The following PAK1 variants were observed in gnomAD, a reference collection of about 807,000 sequenced individuals.
The protein encoded by PAK1 is p21 (RAC1) activated kinase 1, also known as serine/threonine-protein kinase PAK 1.
A neutral mutation model predicts 67.4 loss-of-function variants in PAK1; 29 were observed. That is an observed-to-expected ratio of 0.43 (90% CI 0.32 to 0.59). The LOEUF is 0.59. PAK1 is among the 20% of genes least tolerant of loss of function. The pLI is 0.07. For synonymous variants in PAK1, 223 were observed against 237.4 expected (o/e 0.94, Z 0.56); for missense variants, 337 against 670.7 (o/e 0.50, Z 5.50).
chr11:77,353,509 C>A (rs1291513247), intron 8 of PAK1, 27 bp downstream of exon 8: 1 of 1,539,258 alleles, frequency 6.5e-7, no homozygotes, highest in Non-Finnish European at 9.0e-7. Context: ...AGTCATTTCT[C>A]CAGGGAAAGA....
chr11:77,393,471 A>T (rs531893680), intron 1 of PAK1, among the ~76,000 whole-genome samples: 27 of 151,966 alleles, frequency 1.8e-4, no homozygotes, highest in Non-Finnish European at 2.8e-4. Flanking sequence ...ATTAAAAAAA[A>T]TTTTTTTGGA....
chr11:77,339,658 T>C (rs979298354), intron 11 of PAK1, among the ~76,000 whole-genome samples: 1 of 152,118 alleles, frequency 6.6e-6, no homozygotes, highest in African/African-American at 2.4e-5. Context: ...TGATTAAATA[T>C]ATAACTACAT....
intron 4 of PAK1, among the ~76,000 whole-genome samples, chr11:77,376,578 A>G (rs1027506168): frequency 1.3e-5 from 2 of 151,704 alleles, no homozygotes; most frequent in African/African-American, 4.8e-5. Flanking sequence ...CTCTACTACA[A>G]ATACAAAAAT....
At chr11:77,452,461 TTGAA>T (rs1321049430) in intron 1 of PAK1, among the ~76,000 whole-genome samples, 2 of 152,172 alleles carry the variant, frequency 1.3e-5, no homozygotes, top group Non-Finnish European at 2.9e-5. Context: ...TTATATAATA[TTGAA>T]TGAGCTGCTT....
the PAK1 span, among the ~76,000 whole-genome samples, chr11:77,511,807 A>G: frequency 1.3e-5 from 2 of 152,206 alleles, no homozygotes; most frequent in East Asian, 1.9e-4. Context: ...CATTGACTCT[A>G]TGTCCCAGCT....
In PAK1 at chr11:77,379,316, G is replaced by A. The variant is rs1365021458; in HGVS notation, c.364C>T (p.Gln122Ter). 6.2e-7 allele frequency: 1 copy of A among 1,613,874 alleles called. No individual in the cohort carries two copies. ...AACTCCAACACATCCAGAACAGCCT[G>A]CGGGTTTTTCTTCTGCTCCGACTTA... is the stretch of plus-strand genomic sequence containing the variant. Reference protein sequence around the residue: ...ITKSEQKKNPQAVLDVLEFYN... With the variant: ...ITKSEQKKNP The change falls in exon 4 of 15, where the codon CAG becomes TAG. Residue 122 changes from glutamine to a stop codon, truncating the protein, a stop_gained. Transcript: ENST00000356341. LOFTEE classifies it high-confidence loss of function.
chr11:77,432,130 T>C (rs1955890578), intron 1 of PAK1, among the ~76,000 whole-genome samples: 1 of 147,480 alleles, frequency 6.8e-6, no homozygotes, highest in African/African-American at 2.7e-5. Context: ...TATGCAAGGT[T>C]GTTTTAATAT....
chr11:77,415,926 A>G (rs1954923797), intron 1 of PAK1, among the ~76,000 whole-genome samples: 1 of 151,768 alleles, frequency 6.6e-6, no homozygotes, highest in Admixed American at 6.6e-5. Flanking sequence ...TTGTACAGCT[A>G]TACAATATTT....
chr11:77,517,414 TC>T, the PAK1 span, among the ~76,000 whole-genome samples: 2 of 152,198 alleles, frequency 1.3e-5, no homozygotes, highest in Non-Finnish European at 2.9e-5. Context: ...CACACAGATT[TC>T]CCCAAAGGAA....
At chr11:77,335,129 T>G (rs189493231) in intron 13 of PAK1, among the ~76,000 whole-genome samples, 1 of 152,218 alleles carries the variant, frequency 6.6e-6, no homozygotes, top group Non-Finnish European at 1.5e-5. Flanking sequence ...TTGGTCTACT[T>G]TGCTAGTTCT....
intron 1 of PAK1, among the ~76,000 whole-genome samples, chr11:77,464,261 T>TC (rs1440175968): frequency 6.6e-6 from 1 of 152,190 alleles, no homozygotes; most frequent in Non-Finnish European, 1.5e-5. Flanking sequence ...ACATGCTTTT[T>TC]CCCCCTCAGT....
upstream of PAK1, chr11:77,476,123 T>G (rs761302639): frequency 2.6e-5 from 4 of 152,272 alleles, no homozygotes; most frequent in Admixed American, 6.5e-5. Context: ...GAAGCTGTGA[T>G]TGCACCACCA....
the PAK1 span, among the ~76,000 whole-genome samples, chr11:77,512,065 C>A: frequency 6.6e-6 from 1 of 152,068 alleles, no homozygotes; most frequent in African/African-American, 2.4e-5. Flanking sequence ...TTACAAGAGT[C>A]GATACTGCTA....
chr11:77,362,673 G>C (rs762934145), intron 5 of PAK1, among the ~76,000 whole-genome samples: 7 of 152,188 alleles, frequency 4.6e-5, no homozygotes, highest in Non-Finnish European at 1.0e-4. Flanking sequence ...ATGAGATAAA[G>C]CTATGTAAAA....
intron 1 of PAK1, among the ~76,000 whole-genome samples, chr11:77,416,728 C>T (rs922607326): frequency 3.3e-5 from 5 of 152,064 alleles, no homozygotes; most frequent in African/African-American, 7.2e-5. Context: ...CCAAGGTGGG[C>T]GGATCACGAA....
rs1186696245 is a variant in PAK1 at position 77,358,883 on chromosome 11, T to TC, written c.597+14dup. 5.0e-6 allele frequency: 8 copies of TC among 1,612,634 alleles called. No homozygotes were observed. Among genetic ancestry groups the TC allele is most frequent in the Admixed American group, 1.7e-5 (1 of 59,936 alleles). ...CTAATAAATCACAAAACTGGCCAGG[T>TC]CCCCAAAGACTCACAGATTTTGTGT... On this transcript the variant is annotated intron_variant, in intron 6 of 14. Coordinates refer to ENST00000356341, the MANE Select transcript of PAK1 (RefSeq NM_002576.5).
At chr11:77,435,062 C>A (rs550444226) in intron 1 of PAK1, among the ~76,000 whole-genome samples, 1 of 144,006 alleles carries the variant, frequency 6.9e-6, no homozygotes, top group East Asian at 2.0e-4. Context: ...CTATGCCCAG[C>A]CAAGACAAAA....
intron 1 of PAK1, among the ~76,000 whole-genome samples, chr11:77,437,713 G>A (rs533885699): frequency 6.7e-6 from 1 of 149,378 alleles, no homozygotes; most frequent in African/African-American, 2.5e-5. Flanking sequence ...AATATACACA[G>A]TACCAAGATT....
chr11:77,442,679 G>A (rs921183232), intron 1 of PAK1, among the ~76,000 whole-genome samples: 3 of 152,196 alleles, frequency 2.0e-5, no homozygotes, highest in African/African-American at 7.2e-5. Flanking sequence ...GAAACTGTGT[G>A]AAATAATAAA....
Sources: gnomAD v4.1 joint callset for allele counts (sites outside exome capture counted in the v4.1 genomes callset) on GRCh38, gnomAD v4.1.1 for gene constraint, MANE v1.5 for transcripts, NCBI Gene and HGNC (gene_info 2026-07-23, HGNC 2026-07-21) for gene names.